Variants in COL21A1 observed in about 807,000 individuals in gnomAD.
COL21A1 encodes the protein collagen type XXI alpha 1 chain, also known as collagen alpha-1(XXI) chain.
Under a neutral mutation model 137.9 loss-of-function variants are expected in COL21A1, and 149 were observed. The ratio of observed to expected loss-of-function variants is 1.08; its 90% CI spans 0.95 to 1.24. The LOEUF (loss-of-function observed/expected upper bound fraction) is 1.24. Among genes scored for constraint, COL21A1 ranks in the 50% most tolerant of loss-of-function variants. COL21A1 has a pLI of 0.00. For missense variants in COL21A1, 1,167 were observed against 1,158.4 expected, an observed-to-expected ratio of 1.01 and a Z score of -0.11; for synonymous variants, 456 against 391.5, an observed-to-expected ratio of 1.16 and a Z score of -1.95.
chr6:56,133,664 G>C (rs769505973), intron 12 of COL21A1, among the ~76,000 whole-genome samples: 7 of 152,142 alleles, frequency 4.6e-5, no homozygotes, highest in Non-Finnish European at 8.8e-5. Flanking sequence ...GGAGGCCTAT[G>C]AGGAAAAAAT....
At chr6:56,234,116 C>A (rs555455680) in intron 1 of COL21A1, among the ~76,000 whole-genome samples, 2 of 151,634 alleles carry the variant, frequency 1.3e-5, no homozygotes, top group African/African-American at 4.8e-5. Flanking sequence ...CATAAGTAAA[C>A]TTCAAGGAAA....
chr6:56,249,686 A>G (rs1199748979), upstream of COL21A1, among the ~76,000 whole-genome samples: 1 of 152,232 alleles, frequency 6.6e-6, no homozygotes, highest in Non-Finnish European at 1.5e-5. Context: ...TGAAGTACGT[A>G]GTAAATCCAT....
At chr6:56,320,087 C>T (rs1764829888) in intron 1 of COL21A1, among the ~76,000 whole-genome samples, 1 of 152,108 alleles carries the variant, frequency 6.6e-6, no homozygotes, top group Non-Finnish European at 1.5e-5. Flanking sequence ...CAACACATAT[C>T]TTAAACTGGC....
At chr6:56,269,746 C>A (rs1763480263) in intron 1 of COL21A1, among the ~76,000 whole-genome samples, 1 of 149,998 alleles carries the variant, frequency 6.7e-6, no homozygotes, top group African/African-American at 2.5e-5. Context: ...GCAGAAACCA[C>A]AAAAGCCAGA....
At chr6:56,239,110 A>G (rs941531395) in intron 1 of COL21A1, among the ~76,000 whole-genome samples, 7 of 152,178 alleles carry the variant, frequency 4.6e-5, no homozygotes, top group Admixed American at 2.0e-4. Flanking sequence ...TATGGCCTCA[A>G]TGTATTAGAG....
chr6:56,186,557 A>G (rs1778318316), intron 1 of COL21A1, among the ~76,000 whole-genome samples: 1 of 152,224 alleles, frequency 6.6e-6, no homozygotes, highest in Non-Finnish European at 1.5e-5. Context: ...AGGAAAAAAT[A>G]AAACCATCAT....
chr6:56,320,419 C>T (rs1427420640), intron 1 of COL21A1, among the ~76,000 whole-genome samples: 1 of 151,902 alleles, frequency 6.6e-6, no homozygotes, highest in Non-Finnish European at 1.5e-5. Context: ...TAAAGTAAGA[C>T]CAGGCCACTT....
At chr6:56,201,627 T>C (rs2152298364) in intron 1 of COL21A1, among the ~76,000 whole-genome samples, 1 of 152,294 alleles carries the variant, frequency 6.6e-6, no homozygotes, top group South Asian at 2.1e-4. Flanking sequence ...ATATGCGGCA[T>C]TTAAAAATTT....
intron 1 of COL21A1, among the ~76,000 whole-genome samples, chr6:56,238,756 G>C (rs2152323158): frequency 6.6e-6 from 1 of 152,238 alleles, no homozygotes; most frequent in East Asian, 1.9e-4. Context: ...TCTGCTCCAG[G>C]TCCTCAGTTA....
intron 1 of COL21A1, among the ~76,000 whole-genome samples, chr6:56,327,327 CTAAA>C (rs1230474247): frequency 6.6e-6 from 1 of 151,342 alleles, no homozygotes; most frequent in African/African-American, 2.4e-5. Flanking sequence ...AGATAAATTA[CTAAA>C]TAAAATATGA....
intron 17 of COL21A1, among the ~76,000 whole-genome samples, chr6:56,078,766 G>T (rs952438899): frequency 3.3e-5 from 5 of 151,506 alleles, no homozygotes; most frequent in Non-Finnish European, 7.4e-5. Context: ...AATTCAGTTT[G>T]CCACTTCACT....
intron 1 of COL21A1, among the ~76,000 whole-genome samples, chr6:56,295,326 A>G (rs768581557): frequency 1.3e-5 from 2 of 151,976 alleles, no homozygotes; most frequent in Non-Finnish European, 2.9e-5. Context: ...TTTCACCAGT[A>G]CCACACTGTT....
intron 1 of COL21A1, among the ~76,000 whole-genome samples, chr6:56,277,624 A>T (rs1296769545): frequency 6.6e-6 from 1 of 152,226 alleles, no homozygotes; most frequent in Non-Finnish European, 1.5e-5. Flanking sequence ...ATTCTTGTAG[A>T]TATTTTACAA....
At chr6:56,348,186 A>G (rs774185148) in intron 1 of COL21A1, among the ~76,000 whole-genome samples, 11 of 152,156 alleles carry the variant, frequency 7.2e-5, no homozygotes, top group Non-Finnish European at 1.5e-4. Flanking sequence ...GAAGGGCACA[A>G]TGGAGAAATC....
intron 12 of COL21A1, among the ~76,000 whole-genome samples, chr6:56,140,993 CTTTTA>C (rs576822570): frequency 8.5e-5 from 13 of 152,174 alleles, no homozygotes; most frequent in Non-Finnish European, 1.6e-4. Context: ...TATAGTTATT[CTTTTA>C]TTTTAAAGTA....
chr6:56,224,223 T>G (rs1210530926), intron 1 of COL21A1, among the ~76,000 whole-genome samples: 1 of 152,066 alleles, frequency 6.6e-6, no homozygotes, highest in African/African-American at 2.4e-5. Context: ...CTGTGAGTAA[T>G]AAAGTCTTTT....
rs1266884520 is a variant in COL21A1, at chr6:56,061,816, TACAG to T, written c.2173-139_2173-136del. 9 of 544,298 alleles carry T rather than the reference TACAG, an allele frequency of 1.7e-5. No homozygotes were observed. In the East Asian group the frequency reaches 2.7e-4, roughly 16 times the overall value. The allele number at this position is 544,298 out of a possible 1,614,324, so 33.7% of individuals were successfully genotyped here. On this transcript the variant is annotated intron_variant, in intron 24 of 29. Transcript: ENST00000244728. ...ATATTGATAGCATTAGTGACAGAAT[TACAG>T]ACCCTTTTTGCCTTTTAGAGAAGGC... is the stretch of plus-strand genomic sequence containing the variant.
At chr6:56,255,334 G>GGGGTGTGTGT (rs1554170756) in intron 1 of COL21A1, among the ~76,000 whole-genome samples, 4 of 145,490 alleles carry the variant, frequency 2.7e-5, no homozygotes, top group African/African-American at 1.0e-4. Context: ...TTGTTAAGAG[G>GGGGTGTGTGT]GTGTGTGTGT....
At chr6:56,389,677 A>T (rs1163547071) in intron 1 of COL21A1, among the ~76,000 whole-genome samples, 1 of 152,236 alleles carries the variant, frequency 6.6e-6, no homozygotes. Context: ...AAGATCCTAA[A>T]AGCAACAACA....
Sources: allele counts gnomAD v4.1 joint callset (sites outside exome capture counted in the v4.1 genomes callset), GRCh38; gene constraint gnomAD v4.1.1; transcripts MANE v1.5; gene names NCBI Gene and HGNC (gene_info 2026-07-23, HGNC 2026-07-21).